Variants in DLGAP2 observed in about 807,000 individuals in gnomAD.
DLGAP2 encodes the protein disks large-associated protein 2.
In DLGAP2, 26 loss-of-function variants were observed where a neutral mutation model predicts 100.3. The ratio of observed to expected loss-of-function variants is 0.26; its 90% CI spans 0.19 to 0.36. The LOEUF is 0.36. Among genes scored for constraint, DLGAP2 ranks in the 10% least tolerant of loss-of-function variants. The probability of loss-of-function intolerance (pLI) is 1.00; values close to 1 mark genes in which losing one functional copy is unlikely to be tolerated. For missense variants in DLGAP2, 1,858 were observed against 1,453.2 expected (o/e 1.28, Z -4.53); for synonymous variants, 886 against 630.1 (o/e 1.41, Z -6.08).
intron 1 of DLGAP2, among the ~76,000 whole-genome samples, chr8:802,698 T>C (rs1256286089): frequency 6.6e-6 from 1 of 152,132 alleles, no homozygotes; most frequent in East Asian, 1.9e-4. Context: ...CATGGAATTT[T>C]ACTAGCAGAG....
At position 1,334,485 on chromosome 8, in the gene DLGAP2, C is replaced by G. The variant is rs555158137; in HGVS notation, c.106+75602C>G. 1.6e-3 allele frequency among the ~76,000 whole-genome samples: 242 copies of G among 152,272 alleles called. 1 individual carries two copies. Among genetic ancestry groups the G allele is most frequent in the African/African-American group, 5.7e-3 (237 of 41,558 alleles). ...GGATTTCTCAGGCCTACTTTTCGTT[C>G]CACTAAATCTTCTGTAAAAGCCACT... On this transcript the variant is annotated intron_variant, in intron 3 of 14. Coordinates refer to ENST00000637795, the MANE Select transcript of DLGAP2 (RefSeq NM_001346810.2).
At chr8:1,304,372 A>G (rs1800440163) in intron 3 of DLGAP2, among the ~76,000 whole-genome samples, 1 of 152,252 alleles carries the variant, frequency 6.6e-6, no homozygotes, top group Non-Finnish European at 1.5e-5. Context: ...TGGTGGAACG[A>G]GGAGGAATTT....
At chr8:1,265,822 T>C (rs1262819037) in intron 3 of DLGAP2, among the ~76,000 whole-genome samples, 2 of 152,022 alleles carry the variant, frequency 1.3e-5, no homozygotes, top group Non-Finnish European at 2.9e-5. Flanking sequence ...GAATGCAAAA[T>C]ATTTAATATA....
rs560196568 is a variant in DLGAP2, at chr8:886,008, C to T, written c.19-21904C>T. ...GCCTGTTTGTATTTCTGGTAGAATT[C>T]AGCTGTGAATCCGTCTGGTCCTGGG... On this transcript the variant is annotated intron_variant, in intron 1 of 14. Coordinates refer to ENST00000637795, the MANE Select transcript of DLGAP2 (RefSeq NM_001346810.2). Among the ~76,000 whole-genome samples, 145 of 152,266 alleles carry T rather than the reference C, an allele frequency of 9.5e-4. 2 individuals carry two copies. The highest frequency in any genetic ancestry group is 3.5e-3 in the African/African-American group (144 of 41,550).
intron 2 of DLGAP2, among the ~76,000 whole-genome samples, chr8:1,056,704 A>C (rs2129034099): frequency 6.6e-6 from 1 of 152,360 alleles, no homozygotes; most frequent in Non-Finnish European, 1.5e-5. Flanking sequence ...AGTCAGACTG[A>C]GCTGGATTTG....
At chr8:813,845 C>G (rs772448848) in intron 1 of DLGAP2, among the ~76,000 whole-genome samples, 43 of 152,286 alleles carry the variant, frequency 2.8e-4, no homozygotes, top group East Asian at 5.8e-4. Flanking sequence ...GCAACAGCTA[C>G]CTGCCTCTCA....
At chr8:1,123,692 T>C (rs1796101125) in intron 2 of DLGAP2, among the ~76,000 whole-genome samples, 1 of 152,184 alleles carries the variant, frequency 6.6e-6, no homozygotes, top group South Asian at 2.1e-4. Flanking sequence ...TTTTTCTCTA[T>C]GTACAACCTC....
At chr8:767,540 A>G (rs1367807818) in intron 1 of DLGAP2, among the ~76,000 whole-genome samples, 1 of 152,002 alleles carries the variant, frequency 6.6e-6, no homozygotes, top group African/African-American at 2.4e-5. Context: ...TATTTTTAGT[A>G]GAGACGGGGT....
intron 3 of DLGAP2, among the ~76,000 whole-genome samples, chr8:1,356,444 G>T (rs549457488): frequency 1.6e-4 from 24 of 152,296 alleles, no homozygotes; most frequent in African/African-American, 5.5e-4. Context: ...GGAAATGCCC[G>T]TCAGAGGCTG....
chr8:1,685,062 C>CA (rs1799079382), intron 12 of DLGAP2, among the ~76,000 whole-genome samples: 1 of 152,150 alleles, frequency 6.6e-6, no homozygotes, highest in Admixed American at 6.5e-5. Context: ...AGAATGACCA[C>CA]AAGTCCTATT....
chr8:1,205,486 G>A (rs538675162), intron 2 of DLGAP2, among the ~76,000 whole-genome samples: 3 of 152,182 alleles, frequency 2.0e-5, no homozygotes, highest in Non-Finnish European at 4.4e-5. Context: ...GAGAGTCCAG[G>A]CAATTGACAG....
intron 2 of DLGAP2, among the ~76,000 whole-genome samples, chr8:1,048,721 G>C (rs1460800578): frequency 1.3e-5 from 2 of 151,958 alleles, no homozygotes; most frequent in African/African-American, 4.8e-5. Context: ...ACCTGGAACT[G>C]GGGCTGCGGT....
intron 2 of DLGAP2, among the ~76,000 whole-genome samples, chr8:1,092,551 G>T (rs934872894): frequency 6.6e-6 from 1 of 152,198 alleles, no homozygotes; most frequent in Non-Finnish European, 1.5e-5. Flanking sequence ...GGGGGCTGTG[G>T]CCGGCTCTGT....
At chr8:1,240,281 T>A in intron 2 of DLGAP2, among the ~76,000 whole-genome samples, 1 of 65,626 alleles carries the variant, frequency 1.5e-5, no homozygotes, top group East Asian at 2.8e-4. Flanking sequence ...TCTAGTTCTG[T>A]TACATGGCGC....
At chr8:1,586,864 C>T (rs981910074) in intron 6 of DLGAP2, among the ~76,000 whole-genome samples, 11 of 152,192 alleles carry the variant, frequency 7.2e-5, no homozygotes, top group African/African-American at 2.4e-4. Context: ...TGGGTAGCAT[C>T]ATAAGGGGAT....
intron 2 of DLGAP2, among the ~76,000 whole-genome samples, chr8:1,134,867 G>A (rs1010073666): frequency 6.6e-5 from 10 of 152,062 alleles, no homozygotes; most frequent in Non-Finnish European, 1.5e-4. Context: ...ACAGTGTGGG[G>A]GAGACCTCCC....
intron 1 of DLGAP2, among the ~76,000 whole-genome samples, chr8:818,108 G>T (rs1796518928): frequency 6.6e-6 from 1 of 152,136 alleles, no homozygotes; most frequent in African/African-American, 2.4e-5. Flanking sequence ...GGTAGAGAAA[G>T]ACCACCAGGT....
chr8:1,373,269 C>A (rs976819297), intron 3 of DLGAP2, among the ~76,000 whole-genome samples: 1 of 151,940 alleles, frequency 6.6e-6, no homozygotes, highest in African/African-American at 2.4e-5. Flanking sequence ...CGCCGCCACG[C>A]GCGTGCGGCC....
At chr8:1,683,531 T>C (rs1799013666) in intron 12 of DLGAP2, among the ~76,000 whole-genome samples, 1 of 151,134 alleles carries the variant, frequency 6.6e-6, no homozygotes, top group Non-Finnish European at 1.5e-5. Context: ...TCATTTGAGA[T>C]TTTAGGCTCC....
Sources: allele counts gnomAD v4.1 joint callset (sites outside exome capture counted in the v4.1 genomes callset), GRCh38; gene constraint gnomAD v4.1.1; transcripts MANE v1.5; gene names NCBI Gene and HGNC (gene_info 2026-07-23, HGNC 2026-07-21).